The following ARL6IP6 variants were observed in gnomAD, a reference collection of about 807,000 sequenced individuals.
ARL6IP6 encodes ARF like GTPase 6 interacting protein 6, also known as ADP-ribosylation factor-like protein 6-interacting protein 6.
A neutral mutation model predicts 21.5 loss-of-function variants in ARL6IP6; 22 were observed. The ratio of observed to expected loss-of-function variants is 1.02; its 90% CI spans 0.73 to 1.46. The LOEUF is 1.46. Among genes scored for constraint, ARL6IP6 ranks in the 40% most tolerant of loss-of-function variants. The pLI is 0.00. For missense variants in ARL6IP6, 388 were observed against 299.8 expected, an observed-to-expected ratio of 1.29 and a Z score of -2.17; for synonymous variants, 164 against 125.3, an observed-to-expected ratio of 1.31 and a Z score of -2.06.
intron 1 of ARL6IP6, chr2:152,719,993 C>G (rs1456702108): frequency 8.7e-6 from 4 of 458,874 alleles, no homozygotes; most frequent in Non-Finnish European, 8.9e-6. Flanking sequence ...GGTTTTACCT[C>G]TTCATAAAAT....
intron 2 of ARL6IP6, among the ~76,000 whole-genome samples, chr2:152,728,618 G>T (rs1387267656): frequency 6.6e-6 from 1 of 152,070 alleles, no homozygotes; most frequent in Non-Finnish European, 1.5e-5. Context: ...GGCTTATTTT[G>T]AAAAATAAGC....
rs140994868 is a variant in ARL6IP6 at position 152,728,730 on chromosome 2, T to C, written c.455-6264T>C. On this transcript the variant is annotated intron_variant, in intron 2 of 3. Coordinates refer to ENST00000326446, the MANE Select transcript of ARL6IP6 (RefSeq NM_152522.7). The stretch of plus-strand genomic sequence containing the variant: ...CTGTTTTTGCTTTGGATGAAAACAG[T>C]CTTAAGAGGTTTCAATTGATGGAAA... Among the ~76,000 whole-genome samples the C allele has an allele frequency of 5.0e-3, 759 of 152,168 alleles. 6 individuals carry two copies. The highest frequency in any genetic ancestry group is 0.014 in the Middle Eastern group (4 of 294).
At chr2:152,751,339 G>C (rs554761735) in intron 3 of ARL6IP6, among the ~76,000 whole-genome samples, 1 of 152,202 alleles carries the variant, frequency 6.6e-6, no homozygotes, top group Admixed American at 6.5e-5. Context: ...TCATTTCTTT[G>C]TATTGTGAGC....
chr2:152,729,173 C>T (rs939794287), intron 2 of ARL6IP6, among the ~76,000 whole-genome samples: 2 of 152,112 alleles, frequency 1.3e-5, no homozygotes, highest in Non-Finnish European at 2.9e-5. Context: ...AGTTCAAGAC[C>T]AGCCTAGTCA....
chr2:152,735,215 G>A, intron 3 of ARL6IP6, 89 bp downstream of exon 3: 2 of 1,419,768 alleles, frequency 1.4e-6, no homozygotes, highest in Non-Finnish European at 1.9e-6. Context: ...CTGATCGTGA[G>A]GTATGTTGAG....
chr2:152,721,063 C>A (rs1231733471), intron 2 of ARL6IP6, among the ~76,000 whole-genome samples: 1 of 152,152 alleles, frequency 6.6e-6, no homozygotes, highest in Non-Finnish European at 1.5e-5. Flanking sequence ...CACTGCACTC[C>A]AGCCTGGGCG....
intron 3 of ARL6IP6, among the ~76,000 whole-genome samples, chr2:152,739,600 GTCT>G (rs1181291265): frequency 5.3e-5 from 8 of 152,058 alleles, no homozygotes; most frequent in African/African-American, 9.7e-5. Flanking sequence ...ACATTTTCCT[GTCT>G]TCTTCTGCAC....
chr2:152,745,445 A>G (rs1356358102), intron 3 of ARL6IP6, among the ~76,000 whole-genome samples: 1 of 152,230 alleles, frequency 6.6e-6, no homozygotes, highest in African/African-American at 2.4e-5. Flanking sequence ...ATAAAATAAT[A>G]TACGAGTGTT....
intron 2 of ARL6IP6, among the ~76,000 whole-genome samples, chr2:152,723,296 A>C (rs767604042): frequency 2.0e-5 from 3 of 152,248 alleles, no homozygotes; most frequent in Non-Finnish European, 2.9e-5. Flanking sequence ...GAAAAGTACC[A>C]TGCAGCCTTT....
In ARL6IP6 at chr2:152,760,696, C is replaced by G. The variant is rs1701802017; in HGVS notation, c.*856C>G. 1 of 151,540 alleles carries G rather than the reference C, an allele frequency of 6.6e-6. No individual in the cohort carries two copies. The highest frequency in any genetic ancestry group is 1.5e-5 in the Non-Finnish European group (1 of 67,836). 9.4% of individuals were successfully genotyped at this position (151,540 alleles called of 1,614,324 possible). ...TGTTTCCACAATTCCAAATATTTAT[C>G]TTGGTGTATATATTGTTACTTTAAC... On this transcript the variant is annotated 3_prime_UTR_variant, in exon 4 of 4. Transcript: ENST00000326446.
intron 2 of ARL6IP6, among the ~76,000 whole-genome samples, chr2:152,725,899 T>C (rs768737932): frequency 6.6e-6 from 1 of 152,206 alleles, no homozygotes; most frequent in Non-Finnish European, 1.5e-5. Flanking sequence ...GTCTTTTTGC[T>C]CTCTAAATTA....
chr2:152,749,896 G>T (rs1445521913), intron 3 of ARL6IP6, among the ~76,000 whole-genome samples: 2 of 152,178 alleles, frequency 1.3e-5, no homozygotes, highest in African/African-American at 4.8e-5. Flanking sequence ...TTCTGGTTTT[G>T]CCATTGGGTA....
upstream of ARL6IP6, chr2:152,717,701 T>G: frequency 1.5e-5 from 21 of 1,361,078 alleles, no homozygotes; most frequent in Non-Finnish European, 1.8e-5. Flanking sequence ...CTCTACCAAC[T>G]TCCCCAGGGG....
Position 152,719,050 on chromosome 2 carries a change from C to T in ARL6IP6, c.400+26C>T, listed in dbSNP as rs370488161. 5.3e-6 allele frequency: 8 copies of T among 1,509,510 alleles called. No individual in the cohort carries two copies. In the Middle Eastern group the frequency reaches 7.1e-4, roughly 133 times the overall value. 93.5% of individuals were successfully genotyped at this position (1,509,510 alleles called of 1,614,324 possible). A position where few individuals can be genotyped will look rare whatever the true frequency, so the allele number is the denominator to read the frequency against. On this transcript the variant is annotated intron_variant, in intron 1 of 3. Transcript: ENST00000326446. ...GTATTGAAGCCGACGCCTTGAAAGT[C>T]TGTCCAGAGTAAAGTTGAGCCAGGG...
chr2:152,742,563 C>A (rs577757195), intron 3 of ARL6IP6, among the ~76,000 whole-genome samples: 1 of 127,944 alleles, frequency 7.8e-6, no homozygotes, highest in Non-Finnish European at 1.6e-5. Flanking sequence ...GAGCAAGATA[C>A]GCTCTTTAAA....
At chr2:152,738,914 T>C (rs1700675553) in intron 3 of ARL6IP6, among the ~76,000 whole-genome samples, 1 of 152,210 alleles carries the variant, frequency 6.6e-6, no homozygotes, top group African/African-American at 2.4e-5. Context: ...TCTGAGCTTT[T>C]ATGCTTTTCT....
upstream of ARL6IP6, chr2:152,718,516 GCT>G (rs2105056203): frequency 4.1e-6 from 6 of 1,449,156 alleles, no homozygotes; most frequent in Non-Finnish European, 5.5e-6. Context: ...TTACCCCTGG[GCT>G]CTGAGGCCTG....
intron 3 of ARL6IP6, among the ~76,000 whole-genome samples, chr2:152,751,465 TG>T (rs1305779270): frequency 1.3e-5 from 2 of 152,200 alleles, no homozygotes; most frequent in African/African-American, 4.8e-5. Flanking sequence ...ATCGTAATTT[TG>T]TATCCGTTAA....
intron 2 of ARL6IP6, among the ~76,000 whole-genome samples, chr2:152,733,555 G>A (rs1166133651): frequency 2.6e-5 from 4 of 152,074 alleles, no homozygotes; most frequent in Admixed American, 6.6e-5. Context: ...GAGCCACCAC[G>A]CCCGGCCCTG....
Sources: allele counts gnomAD v4.1 joint callset (sites outside exome capture counted in the v4.1 genomes callset), GRCh38; gene constraint gnomAD v4.1.1; transcripts MANE v1.5; gene names NCBI Gene and HGNC (gene_info 2026-07-23, HGNC 2026-07-21).